SPATA17: variants seen among roughly 807,000 people sequenced by gnomAD.
SPATA17 encodes the protein spermatogenesis-associated protein 17.
Under a neutral mutation model 62.2 loss-of-function variants are expected in SPATA17, and 53 were observed. That is an observed-to-expected ratio of 0.85 (90% confidence interval 0.68 to 1.07). The LOEUF is 1.07. SPATA17 is among the 50% of genes least tolerant of loss of function. The probability of loss-of-function intolerance (pLI) is 0.00; values close to 1 mark genes in which losing one functional copy is unlikely to be tolerated. For missense variants in SPATA17, 466 were observed against 425.5 expected (o/e 1.10, Z -0.84); for synonymous variants, 146 against 146.8 (o/e 0.99, Z 0.04).
chr1:217,840,890 G>A (rs1675379310), intron 9 of SPATA17, among the ~76,000 whole-genome samples: 2 of 151,654 alleles, frequency 1.3e-5, no homozygotes, highest in Non-Finnish European at 2.9e-5. Context: ...AATAATAATA[G>A]TAACAATAAT....
chr1:217,802,226 T>TA lies in SPATA17; in HGVS notation c.1005+379dup, dbSNP rs1317504346. Among the ~76,000 whole-genome samples, 6 of 152,216 alleles carry TA rather than the reference T, an allele frequency of 3.9e-5. No homozygotes were observed. The East Asian group carries it at 7.7e-4, about 20-fold the overall frequency. On this transcript the variant is annotated intron_variant, in intron 9 of 10. Transcript: ENST00000366933. ...CTATGTATGTATGTTTATAGATAGC[T>TA]AAATAAAGAGGAGGGGAGAGAAGAC...
At chr1:217,730,304 G>A (rs1469467983) in intron 5 of SPATA17, among the ~76,000 whole-genome samples, 1 of 149,518 alleles carries the variant, frequency 6.7e-6, no homozygotes, top group Non-Finnish European at 1.5e-5. Flanking sequence ...TGCAACCTCT[G>A]TCTCCCGGGT....
At chr1:217,842,666 A>T (rs1675437211) in intron 9 of SPATA17, among the ~76,000 whole-genome samples, 1 of 151,922 alleles carries the variant, frequency 6.6e-6, no homozygotes, top group Non-Finnish European at 1.5e-5. Flanking sequence ...AATGTTGCTA[A>T]TCAGTTTTGT....
chr1:217,671,659 C>T (rs1322022448), intron 4 of SPATA17, among the ~76,000 whole-genome samples: 2 of 152,162 alleles, frequency 1.3e-5, no homozygotes, highest in African/African-American at 4.8e-5. Flanking sequence ...CTCCTTATTG[C>T]CTTTTCTCTC....
rs1329517870 is a variant in SPATA17 at position 217,837,652 on chromosome 1, C to T, written c.1006-25122C>T. Among the ~76,000 whole-genome samples the T allele has an allele frequency of 2.6e-5, 4 of 152,072 alleles. No homozygotes were observed. The East Asian group carries it at 7.7e-4, about 29-fold the overall frequency. On this transcript the variant is annotated intron_variant, in intron 9 of 10. Transcript: ENST00000366933. The stretch of plus-strand genomic sequence containing the variant: ...GGCCCTGCGTGTAGCTATACTCAGT[C>T]TCAGTGGTGTGCATGGTCCTTTACC...
intron 1 of SPATA17, among the ~76,000 whole-genome samples, chr1:217,644,742 G>A (rs149242329): frequency 9.3e-4 from 142 of 152,016 alleles, no homozygotes; most frequent in African/African-American, 3.0e-3. Flanking sequence ...TGATGATGAA[G>A]TGACTGGAAA....
chr1:217,798,256 T>A (rs958790649), intron 8 of SPATA17, among the ~76,000 whole-genome samples: 2 of 152,190 alleles, frequency 1.3e-5, no homozygotes, highest in African/African-American at 2.4e-5. Context: ...CTTGAACGTA[T>A]GATGTTCAAT....
rs1223835424 is a variant in SPATA17 at position 217,822,933 on chromosome 1, GTATT to G, written c.1005+21091_1005+21094del. ...ATATATTCACTGTCAATAATCCCAA[GTATT>G]TATTTATCTAATTTTAAAGTTTTTC... On this transcript the variant is annotated intron_variant, in intron 9 of 10. Coordinates refer to ENST00000366933, the MANE Select transcript of SPATA17 (RefSeq NM_138796.4). Among the ~76,000 whole-genome samples, 9 of 151,444 alleles carry G rather than the reference GTATT, an allele frequency of 5.9e-5. No homozygotes were observed. In the East Asian group the frequency reaches 1.2e-3, roughly 20 times the overall value.
chr1:217,639,859 A>C (rs757913408), intron 1 of SPATA17, among the ~76,000 whole-genome samples: 2 of 152,028 alleles, frequency 1.3e-5, no homozygotes, highest in African/African-American at 2.4e-5. Context: ...TGACATGTGC[A>C]TCTTCCTCAC....
At chr1:217,719,541 A>G (rs911185303) in intron 5 of SPATA17, among the ~76,000 whole-genome samples, 1 of 152,244 alleles carries the variant, frequency 6.6e-6, no homozygotes, top group Non-Finnish European at 1.5e-5. Flanking sequence ...AGCACTTCAT[A>G]TAAAGTTTAA....
chr1:217,674,360 T>C (rs991925052), intron 4 of SPATA17, among the ~76,000 whole-genome samples: 7 of 152,208 alleles, frequency 4.6e-5, no homozygotes, highest in African/African-American at 1.7e-4. Flanking sequence ...TCTTTTGATT[T>C]GTGATGCAGG....
chr1:217,803,142 G>A (rs1674353073), intron 9 of SPATA17, among the ~76,000 whole-genome samples: 1 of 152,126 alleles, frequency 6.6e-6, no homozygotes, highest in Non-Finnish European at 1.5e-5. Context: ...TCCTTCTCCT[G>A]ACCTGGTGAT....
At position 217,848,078 on chromosome 1, in the gene SPATA17, A is replaced by T. The variant is rs566983391; in HGVS notation, c.1006-14696A>T. 2.0e-5 allele frequency among the ~76,000 whole-genome samples: 3 copies of T among 152,276 alleles called. No homozygotes were observed. The East Asian group carries it at 5.8e-4, about 29-fold the overall frequency. On this transcript the variant is annotated intron_variant, in intron 9 of 10. Transcript: ENST00000366933. Reference sequence around the variant, plus strand: ...ATTACCAAGAGGAATACAGCTGATAAATAAGTGTCCAAGTAGAAAGGAAAT... The same window carrying T: ...ATTACCAAGAGGAATACAGCTGATATATAAGTGTCCAAGTAGAAAGGAAAT...
intron 6 of SPATA17, among the ~76,000 whole-genome samples, chr1:217,767,545 G>A (rs1673329610): frequency 1.3e-5 from 2 of 152,046 alleles, no homozygotes; most frequent in South Asian, 4.1e-4. Flanking sequence ...TGGATATTCT[G>A]TTTCATTTTT....
At chr1:217,634,648 G>C (rs192675806) in intron 1 of SPATA17, among the ~76,000 whole-genome samples, 63 of 152,286 alleles carry the variant, frequency 4.1e-4, no homozygotes, top group Non-Finnish European at 7.2e-4. Context: ...TAACTAATTT[G>C]TTATTCCAAC....
intron 9 of SPATA17, among the ~76,000 whole-genome samples, chr1:217,860,029 T>A (rs1675866939): frequency 6.6e-6 from 1 of 152,182 alleles, no homozygotes; most frequent in African/African-American, 2.4e-5. Flanking sequence ...TTCTAGTATA[T>A]GCATTTAGTG....
At chr1:217,846,118 A>G (rs942838866) in intron 9 of SPATA17, among the ~76,000 whole-genome samples, 1 of 152,108 alleles carries the variant, frequency 6.6e-6, no homozygotes, top group Non-Finnish European at 1.5e-5. Context: ...TGGAGACCAG[A>G]CAAAACTAAT....
chr1:217,697,474 A>C (rs773857410), intron 5 of SPATA17, among the ~76,000 whole-genome samples: 34 of 152,204 alleles, frequency 2.2e-4, no homozygotes, highest in Non-Finnish European at 4.1e-4. Flanking sequence ...TATTTCAATA[A>C]TATTTCCAAA....
intron 10 of SPATA17, chr1:217,866,820 A>G (rs1676022848): frequency 6.6e-6 from 1 of 151,562 alleles, no homozygotes; most frequent in Non-Finnish European, 1.5e-5. Context: ...AGAATTTAAG[A>G]ACTCATGTTT....
Sources: allele counts gnomAD v4.1 joint callset (sites outside exome capture counted in the v4.1 genomes callset), GRCh38; gene constraint gnomAD v4.1.1; transcripts MANE v1.5; gene names NCBI Gene and HGNC (gene_info 2026-07-23, HGNC 2026-07-21).